The following PHLPP1 variants were observed in gnomAD, a reference collection of about 807,000 sequenced individuals.
PHLPP1 encodes PH domain and leucine rich repeat protein phosphatase 1.
A neutral mutation model predicts 117.2 loss-of-function variants in PHLPP1; 42 were observed. The observed-to-expected ratio is 0.36, with a 90% CI of 0.28 to 0.46. The LOEUF is 0.46. PHLPP1 is among the 20% of genes least tolerant of loss of function. The probability of loss-of-function intolerance (pLI) is 1.00; values close to 1 mark genes in which losing one functional copy is unlikely to be tolerated. For missense variants in PHLPP1, 2,084 were observed against 2,241.9 expected, an observed-to-expected ratio of 0.93 and a Z score of 1.42; for synonymous variants, 1,042 against 970.7, an observed-to-expected ratio of 1.07 and a Z score of -1.37.
chr18:62,760,840 G>A (rs760523207), intron 1 of PHLPP1, among the ~76,000 whole-genome samples: 1 of 152,134 alleles, frequency 6.6e-6, no homozygotes, highest in Non-Finnish European at 1.5e-5. Context: ...TGGAATGAGT[G>A]TCTCCCTGGC....
intron 1 of PHLPP1, among the ~76,000 whole-genome samples, chr18:62,809,700 CA>C (rs78550251): frequency 9.3e-4 from 129 of 138,266 alleles, no homozygotes; most frequent in East Asian, 2.9e-3. Flanking sequence ...GACTCCATCT[CA>C]AAAAAAAAAA....
At chr18:62,812,355 G>A (rs974401637) in intron 1 of PHLPP1, among the ~76,000 whole-genome samples, 1 of 152,188 alleles carries the variant, frequency 6.6e-6, no homozygotes, top group South Asian at 2.1e-4. Context: ...ACTTGACTCA[G>A]TTGGAGCTGT....
chr18:62,797,902 C>T (rs907002975), intron 1 of PHLPP1, among the ~76,000 whole-genome samples: 4 of 152,116 alleles, frequency 2.6e-5, no homozygotes, highest in Non-Finnish European at 5.9e-5. Flanking sequence ...CTGTTTTATC[C>T]TGACTAATGG....
At chr18:62,717,703 C>A (rs1910802482) in intron 1 of PHLPP1, among the ~76,000 whole-genome samples, 1 of 152,080 alleles carries the variant, frequency 6.6e-6, no homozygotes, top group Non-Finnish European at 1.5e-5. Context: ...TCCAGTTGAG[C>A]GTTCTAGCTG....
At chr18:62,959,390 A>G (rs1454242942) in intron 13 of PHLPP1, among the ~76,000 whole-genome samples, 1 of 152,230 alleles carries the variant, frequency 6.6e-6, no homozygotes, top group Non-Finnish European at 1.5e-5. Context: ...GTTTTATAGT[A>G]TAATTCAATT....
At chr18:62,808,807 G>A (rs1914031189) in intron 1 of PHLPP1, among the ~76,000 whole-genome samples, 1 of 152,110 alleles carries the variant, frequency 6.6e-6, no homozygotes, top group African/African-American at 2.4e-5. Flanking sequence ...ACCCACCTCG[G>A]CCTCCCAAAG....
At position 62,905,266 on chromosome 18, in the gene PHLPP1, C is replaced by A; in HGVS notation, c.2690C>A (p.Ser897Tyr). 2 of 1,521,802 alleles carry A rather than the reference C, an allele frequency of 1.3e-6. No individual in the cohort carries two copies. Among genetic ancestry groups the A allele is most frequent in the South Asian group, 1.4e-5 (1 of 69,826 alleles). The allele number at this position is 1,521,802 out of a possible 1,614,324, so 94.3% of individuals were successfully genotyped here. A position where few individuals can be genotyped will look rare whatever the true frequency, so the allele number is the denominator to read the frequency against. Residue 897 changes from serine to tyrosine, a missense_variant, in exon 8 of 17, where the codon TCC (serine) becomes TAC (tyrosine). This residue lies in a region of PHLPP1 where 1,365 missense variants were observed against 1,605.9 expected (regional missense o/e 0.85). Transcript: ENST00000262719. Reference sequence around the variant, plus strand: ...GTTTACCCAGTTCCAAATTATCTGTCCTACATGGATGTTTCAAGGTAAGAA... The same window carrying A: ...GTTTACCCAGTTCCAAATTATCTGTACTACATGGATGTTTCAAGGTAAGAA... ...LDVYPVPNYL[S>Y]YMDVSRNRLE...
chr18:62,779,829 A>G (rs1390068360), intron 1 of PHLPP1, among the ~76,000 whole-genome samples: 1 of 152,166 alleles, frequency 6.6e-6, no homozygotes, highest in Admixed American at 6.5e-5. Flanking sequence ...TTGCTGAAGT[A>G]TCATCAGGCC....
intron 14 of PHLPP1, 31 bp from the exon 15 acceptor site, chr18:62,972,483 G>A (rs1463785141): frequency 6.3e-7 from 1 of 1,595,650 alleles, no homozygotes; most frequent in Non-Finnish European, 8.6e-7. Context: ...AGGATGAGTG[G>A]ACTCAGCACA....
intron 1 of PHLPP1, among the ~76,000 whole-genome samples, chr18:62,736,173 G>A (rs1267430134): frequency 2.0e-5 from 3 of 152,080 alleles, no homozygotes; most frequent in Non-Finnish European, 4.4e-5. Flanking sequence ...GCATTGTGTT[G>A]AGCCTTGGCC....
intron 1 of PHLPP1, among the ~76,000 whole-genome samples, chr18:62,741,779 G>A (rs987626862): frequency 1.3e-5 from 2 of 151,234 alleles, no homozygotes; most frequent in African/African-American, 2.4e-5. Context: ...TACAGGGTAC[G>A]TGAAAGAGCA....
rs1318766973 is a variant in PHLPP1 at position 62,978,526 on chromosome 18, G to A, written c.4249G>A (p.Ala1417Thr). ...QSYGCHDSIS[A>T]VVVQLSVTED... ...CTACGGCTGCCACGACAGCATCAGC[G>A]CTGTGGTGGTGCAGCTCAGTGTCAC... Residue 1417 changes from alanine (A) to threonine (T), a missense_variant, in exon 17 of 17, where the codon GCT (alanine) becomes ACT (threonine). Physicochemically the swap from Ala to Thr is moderately conservative, Grantham distance 58. Around this residue, in one of 2 missense-constraint regions of PHLPP1, gnomAD observed 1,365 missense variants for 1,605.9 expected, o/e 0.85. Coordinates refer to ENST00000262719, the MANE Select transcript of PHLPP1 (RefSeq NM_194449.4). The surrounding 1 kb of genome is among the most constrained non-coding windows in gnomAD (Gnocchi z 7.0). 8 of 1,611,020 alleles carry A rather than the reference G, an allele frequency of 5.0e-6. No homozygotes were observed. Among genetic ancestry groups the A allele is most frequent in the East Asian group, 2.2e-5 (1 of 44,742 alleles).
intron 10 of PHLPP1, among the ~76,000 whole-genome samples, chr18:62,931,016 C>A (rs544777578): frequency 6.6e-6 from 1 of 151,916 alleles, no homozygotes; most frequent in Non-Finnish European, 1.5e-5. Flanking sequence ...AGTGAAAGTC[C>A]CATCTCTACT....
At position 62,728,534 on chromosome 18, in the gene PHLPP1, C is replaced by A. The variant is rs538460213; in HGVS notation, c.1576+11275C>A. 1.1e-3 allele frequency among the ~76,000 whole-genome samples: 164 copies of A among 147,042 alleles called. 1 individual carries two copies. Among genetic ancestry groups the A allele is most frequent in the African/African-American group, 4.0e-3 (160 of 39,548 alleles). ...TTTTTTTTTTTTTGAGACAGTGTCT[C>A]ACTCTGCCACCCAGGCAGGAGTGCA... On this transcript the variant is annotated intron_variant, in intron 1 of 16. Transcript: ENST00000262719.
intron 1 of PHLPP1, among the ~76,000 whole-genome samples, chr18:62,760,935 C>T (rs898806659): frequency 6.6e-6 from 1 of 152,180 alleles, no homozygotes; most frequent in Admixed American, 6.5e-5. Context: ...TCATGGCTCA[C>T]TGCCATCTCG....
At chr18:62,965,144 A>G (rs1347339146) in intron 14 of PHLPP1, among the ~76,000 whole-genome samples, 1 of 152,186 alleles carries the variant, frequency 6.6e-6, no homozygotes, top group African/African-American at 2.4e-5. Flanking sequence ...CCCTCCCTTT[A>G]TATTTTCCCT....
chr18:62,976,820 A>G (rs529923152), intron 16 of PHLPP1, among the ~76,000 whole-genome samples: 6 of 152,322 alleles, frequency 3.9e-5, no homozygotes, highest in African/African-American at 7.2e-5. Flanking sequence ...TTTATCAACA[A>G]TGTAAGACTG....
intron 1 of PHLPP1, among the ~76,000 whole-genome samples, chr18:62,814,873 G>A (rs576576729): frequency 7.3e-4 from 111 of 152,250 alleles, no homozygotes; most frequent in African/African-American, 2.6e-3. Flanking sequence ...ACTGTGTTCA[G>A]TAAATAGAAT....
chr18:62,942,856 G>T (rs953748222), intron 11 of PHLPP1, among the ~76,000 whole-genome samples: 3 of 152,112 alleles, frequency 2.0e-5, no homozygotes, highest in African/African-American at 7.2e-5. Flanking sequence ...TGCTGAAGAA[G>T]GAAGGCCCGT....
Sources: gnomAD v4.1 joint callset for allele counts (sites outside exome capture counted in the v4.1 genomes callset) on GRCh38, gnomAD v4.1.1 for gene constraint, gnomAD v4.1.1 regional missense constraint, Gnocchi (gnomAD v3.1) non-coding constraint, MANE v1.5 for transcripts, NCBI Gene and HGNC (gene_info 2026-07-23, HGNC 2026-07-21) for gene names.